Variants in TMEM273 observed in about 807,000 individuals in gnomAD.
TMEM273 encodes chromosome 10 open reading frame 128.
A neutral mutation model predicts 17.9 loss-of-function variants in TMEM273; 19 were observed. The observed-to-expected ratio is 1.06, with a 90% CI of 0.74 to 1.55. The LOEUF is 1.55. Ranked by LOEUF, TMEM273 falls within the 40% of genes most tolerant of loss-of-function variation. The pLI, the probability that TMEM273 is intolerant of heterozygous loss-of-function variation, is 0.00. For synonymous variants in TMEM273, 66 were observed against 62.0 expected (o/e 1.07, Z -0.31); for missense variants, 194 against 155.6 (o/e 1.25, Z -1.31).
intron 1 of TMEM273, among the ~76,000 whole-genome samples, chr10:49,168,835 A>G (rs1439779854): frequency 2.6e-5 from 4 of 152,162 alleles, no homozygotes; most frequent in Non-Finnish European, 4.4e-5. Context: ...CAGCGCCCTA[A>G]AATAGTGATC....
At chr10:49,160,863 A>G (rs532025293) in intron 6 of TMEM273, 1 of 152,258 alleles carries the variant, frequency 6.6e-6, no homozygotes, top group South Asian at 2.1e-4. Flanking sequence ...CGTTCTTTCA[A>G]CTTTTCTTTG....
chr10:49,173,258 T>C lies in TMEM273; in HGVS notation c.44-5296A>G, dbSNP rs562978423. On this transcript the variant is annotated intron_variant, in intron 1 of 6. Coordinates refer to ENST00000374153, the MANE Select transcript of TMEM273 (RefSeq NM_001288740.3). Reference sequence around the variant, plus strand: ...GGAAATAGCTTCTTTTTCTTACTCTTATCTGAGCTCGGTAACTGTCATCTG... The same window carrying C: ...GGAAATAGCTTCTTTTTCTTACTCTCATCTGAGCTCGGTAACTGTCATCTG... Among the ~76,000 whole-genome samples the C allele has an allele frequency of 2.0e-5, 3 of 152,344 alleles. No individual in the cohort carries two copies. In the East Asian group the frequency reaches 5.8e-4, roughly 29 times the overall value.
intron 1 of TMEM273, 65 bp from the exon 2 acceptor site, chr10:49,168,027 C>A (rs1397107509): frequency 1.2e-6 from 2 of 1,600,104 alleles, no homozygotes; most frequent in Non-Finnish European, 1.7e-6. Flanking sequence ...GCTACCCAGT[C>A]TCAGAGGCCT....
At chr10:49,182,337 G>A (rs1847398583) in intron 1 of TMEM273, among the ~76,000 whole-genome samples, 1 of 152,038 alleles carries the variant, frequency 6.6e-6, no homozygotes, top group African/African-American at 2.4e-5. Flanking sequence ...TGATGACTTT[G>A]ACTTGTAAGA....
intron 1 of TMEM273, among the ~76,000 whole-genome samples, chr10:49,186,093 GAA>G (rs1564652265): frequency 7.6e-4 from 113 of 149,136 alleles, no homozygotes; most frequent in African/African-American, 1.6e-3. Flanking sequence ...AGAAGAAGAA[GAA>G]GAAGAAGAAG....
chr10:49,168,533 G>T (rs931060301), intron 1 of TMEM273, among the ~76,000 whole-genome samples: 2 of 152,248 alleles, frequency 1.3e-5, no homozygotes, highest in South Asian at 2.1e-4. Flanking sequence ...CATCCTAAAA[G>T]CTTCTCACAT....
At chr10:49,158,558 G>A (rs1002328992) in intron 6 of TMEM273, among the ~76,000 whole-genome samples, 3 of 152,206 alleles carry the variant, frequency 2.0e-5, no homozygotes, top group East Asian at 1.9e-4. Flanking sequence ...ACGTGTGTGC[G>A]GGTGGAGGGA....
intron 5 of TMEM273, among the ~76,000 whole-genome samples, 168 bp from the exon 6 acceptor site, chr10:49,161,790 A>G (rs1370077489): frequency 6.6e-6 from 1 of 152,062 alleles, no homozygotes; most frequent in Non-Finnish European, 1.5e-5. Flanking sequence ...GGAAACTCGA[A>G]TCCTGCTTCT....
At chr10:49,177,489 G>A (rs926025424) in intron 1 of TMEM273, among the ~76,000 whole-genome samples, 4 of 152,190 alleles carry the variant, frequency 2.6e-5, no homozygotes, top group East Asian at 3.9e-4. Context: ...GTGTGTGTAC[G>A]TGGGGTCCTG....
Position 49,166,928 on chromosome 10 carries a change from C to A in TMEM273, c.179G>T (p.Arg60Met), listed in dbSNP as rs1289842614. ...AGAGTCGTCGTCAAATAAGTGCCTC[C>A]TGATCATGCAGATCTTCAGGGCCAG... ...GFLALKICMI[R>M]RHLFDDDSSD... is the part of the protein sequence containing the mutation. The change falls in exon 3 of 7, where the codon AGG becomes ATG. Residue 60 changes from arginine (R) to methionine (M), a missense_variant. Physicochemically the swap from Arg to Met is moderately conservative, Grantham distance 91 (BLOSUM62 -1). Transcript: ENST00000374153. 1.9e-6 allele frequency: 3 copies of A among 1,614,028 alleles called. No individual in the cohort carries two copies. Among genetic ancestry groups the A allele is most frequent in the Non-Finnish European group, 2.5e-6 (3 of 1,180,026 alleles).
intron 6 of TMEM273, among the ~76,000 whole-genome samples, chr10:49,157,458 A>G (rs1845581416): frequency 6.6e-6 from 1 of 152,220 alleles, no homozygotes; most frequent in African/African-American, 2.4e-5. Flanking sequence ...CTTAACCCAA[A>G]TCTTTGACCA....
At chr10:49,161,668 C>T (rs200325755) in intron 5 of TMEM273, 46 bp from the exon 6 acceptor site, 1 of 1,613,246 alleles carries the variant, frequency 6.2e-7, no homozygotes, top group Non-Finnish European at 8.5e-7. Flanking sequence ...GCCTTAGAAG[C>T]CAGAAAGACA....
intron 5 of TMEM273, among the ~76,000 whole-genome samples, chr10:49,163,072 G>T (rs1420811106): frequency 1.3e-5 from 2 of 152,112 alleles, no homozygotes; most frequent in African/African-American, 4.8e-5. Context: ...ACCTGTGATT[G>T]TGCCAACCCC....
chr10:49,163,711 A>G (rs1003982827), intron 5 of TMEM273, among the ~76,000 whole-genome samples: 9 of 152,170 alleles, frequency 5.9e-5, no homozygotes, highest in Admixed American at 3.9e-4. Flanking sequence ...AGAGAAGGAG[A>G]GTGAGAGTCA....
intron 4 of TMEM273, 148 bp downstream of exon 4, chr10:49,165,618 G>T: frequency 7.8e-7 from 1 of 1,274,908 alleles, no homozygotes; most frequent in Non-Finnish European, 1.1e-6. Context: ...AGGAGAGAGT[G>T]TAAGGAGGGG....
chr10:49,183,084 A>G lies in TMEM273; in HGVS notation c.43+5210T>C, dbSNP rs139802224. Among the ~76,000 whole-genome samples, 4 of 152,266 alleles carry G rather than the reference A, an allele frequency of 2.6e-5. No individual in the cohort carries two copies. The East Asian group carries it at 7.7e-4, about 29-fold the overall frequency. ...TACCAGATTAAGGAAGGCTAATGTG[A>G]CACAGTTGGTCACCCCCGCCATACC... On this transcript the variant is annotated intron_variant, in intron 1 of 6. Coordinates refer to ENST00000374153, the MANE Select transcript of TMEM273 (RefSeq NM_001288740.3).
chr10:49,155,597 C>A lies in TMEM273; in HGVS notation c.*295G>T. On this transcript the variant is annotated 3_prime_UTR_variant, in exon 7 of 7. Coordinates refer to ENST00000374153, the MANE Select transcript of TMEM273 (RefSeq NM_001288740.3). ...CATGGACACCATGGCCTCATGGAAG[C>A]ATGAACAGCTCCAACACAGGGTGAA... The A allele has an allele frequency of 1.9e-6, 1 of 516,680 alleles. No homozygotes were observed. The highest frequency in any genetic ancestry group is 3.5e-6 in the Non-Finnish European group (1 of 288,052). The allele number at this position is 516,680 out of a possible 1,614,324, so 32.0% of individuals were successfully genotyped here. A position where few individuals can be genotyped will look rare whatever the true frequency, so the allele number is the denominator to read the frequency against.
chr10:49,168,744 A>G (rs1292718574), intron 1 of TMEM273, among the ~76,000 whole-genome samples: 1 of 151,892 alleles, frequency 6.6e-6, no homozygotes, highest in Non-Finnish European at 1.5e-5. Context: ...GAAAGAAAGA[A>G]GGAAAGAGAG....
intron 1 of TMEM273, among the ~76,000 whole-genome samples, chr10:49,178,842 C>T (rs10508912): frequency 0.02 from 3,048 of 152,292 alleles, 68 homozygotes; most frequent in Admixed American, 0.074. Flanking sequence ...TACTTATTTT[C>T]ATGTGCCAGT....
Sources: gnomAD v4.1 joint callset for allele counts (sites outside exome capture counted in the v4.1 genomes callset) on GRCh38, gnomAD v4.1.1 for gene constraint, MANE v1.5 for transcripts, NCBI Gene and HGNC (gene_info 2026-07-23, HGNC 2026-07-21) for gene names.